The following CDK8 variants were observed in gnomAD, a reference collection of about 807,000 sequenced individuals.
CDK8 encodes the protein cyclin-dependent kinase 8.
CDK8 carries 29 observed loss-of-function variants against 71.5 expected under a neutral mutation model. The ratio of observed to expected loss-of-function variants is 0.41; its 90% CI spans 0.30 to 0.55. The LOEUF is 0.55. Ranked by LOEUF, CDK8 falls within the 20% of genes least tolerant of loss-of-function variation. CDK8 has a pLI of 0.37. For missense variants in CDK8, 288 were observed against 572.6 expected (o/e 0.50, Z 5.07); for synonymous variants, 161 against 192.1 (o/e 0.84, Z 1.34).
At chr13:26,285,945 C>T (rs1872997493) in intron 1 of CDK8, among the ~76,000 whole-genome samples, 2 of 152,020 alleles carry the variant, frequency 1.3e-5, no homozygotes, top group Admixed American at 6.6e-5. Flanking sequence ...TACGAATATA[C>T]CTAATCAAGG....
chr13:26,303,175 A>G (rs1228747569), intron 1 of CDK8, among the ~76,000 whole-genome samples: 6 of 150,522 alleles, frequency 4.0e-5, no homozygotes, highest in Non-Finnish European at 7.4e-5. Context: ...TTTTCTCTTT[A>G]CTAACTATAG....
At chr13:26,358,278 A>G (rs7994384) in intron 4 of CDK8, among the ~76,000 whole-genome samples, 143,794 of 151,954 alleles carry the variant, frequency 0.95, 68,082 homozygotes, top group East Asian at 1. Context: ...CAGCCTGGGC[A>G]ACAGAGCAAG....
chr13:26,294,429 A>G (rs1274459745), intron 1 of CDK8, among the ~76,000 whole-genome samples: 3 of 152,162 alleles, frequency 2.0e-5, no homozygotes, highest in Middle Eastern at 3.2e-3. Context: ...TTCATATCCT[A>G]TATAGCCAGT....
Position 26,254,590 on chromosome 13 carries a change from C to G in CDK8, c.-52C>G. 4.2e-6 allele frequency: 5 copies of G among 1,177,798 alleles called. No individual in the cohort carries two copies. The highest frequency in any genetic ancestry group is 6.0e-6 in the Non-Finnish European group (5 of 827,228). 73.0% of individuals were successfully genotyped at this position (1,177,798 alleles called of 1,614,324 possible). ...GCTGCCCGTGCTTCCCCGGTCCCCA[C>G]CCCTGCCCCCCGGCCCCCCGACCCA... On this transcript the variant is annotated 5_prime_UTR_variant, in exon 1 of 13. Coordinates refer to ENST00000381527, the MANE Select transcript of CDK8 (RefSeq NM_001260.3). The surrounding 1 kb of genome is among the most constrained non-coding windows in gnomAD (Gnocchi z 6.7).
chr13:26,293,062 A>G (rs779334069), intron 1 of CDK8, among the ~76,000 whole-genome samples: 2 of 152,192 alleles, frequency 1.3e-5, no homozygotes, highest in African/African-American at 2.4e-5. Flanking sequence ...ACCCTGAATC[A>G]AGAAAGTACT....
intron 1 of CDK8, among the ~76,000 whole-genome samples, chr13:26,267,205 A>G (rs1872059581): frequency 6.6e-6 from 1 of 152,212 alleles, no homozygotes. Flanking sequence ...GTAATCTCCA[A>G]ATTACAGCCA....
At chr13:26,292,831 A>G (rs1873365211) in intron 1 of CDK8, among the ~76,000 whole-genome samples, 1 of 152,232 alleles carries the variant, frequency 6.6e-6, no homozygotes, top group African/African-American at 2.4e-5. Flanking sequence ...AGTGTGATTC[A>G]GATTTCTGAT....
chr13:26,359,129 G>A, intron 4 of CDK8: 1 of 187,284 alleles, frequency 5.3e-6, no homozygotes, highest in Non-Finnish European at 1.1e-5. Flanking sequence ...AGTCACAAAA[G>A]GATAAGTACC....
chr13:26,317,326 A>T (rs1030480453), intron 1 of CDK8, among the ~76,000 whole-genome samples: 1 of 152,224 alleles, frequency 6.6e-6, no homozygotes, highest in African/African-American at 2.4e-5. Context: ...GCATGAAAGG[A>T]AAAAACTGAT....
intron 9 of CDK8, among the ~76,000 whole-genome samples, chr13:26,399,617 G>A (rs115050132): frequency 1.3e-5 from 2 of 152,194 alleles, no homozygotes; most frequent in Admixed American, 6.5e-5. Context: ...TCACATTAGT[G>A]TGGCATTTAT....
chr13:26,316,005 A>G (rs548663478), intron 1 of CDK8, among the ~76,000 whole-genome samples: 9 of 152,306 alleles, frequency 5.9e-5, no homozygotes, highest in Admixed American at 2.6e-4. Flanking sequence ...CTCTTAGCAC[A>G]TTAGTTCCTC....
At position 26,368,214 on chromosome 13, in the gene CDK8, T is replaced by A. The variant is rs1874482202; in HGVS notation, c.456+14334T>A. Among the ~76,000 whole-genome samples, 4 of 152,214 alleles carry A rather than the reference T, an allele frequency of 2.6e-5. No individual in the cohort carries two copies. In the South Asian group the frequency reaches 8.3e-4, roughly 32 times the overall value. On this transcript the variant is annotated intron_variant, in intron 4 of 12. Coordinates refer to ENST00000381527, the MANE Select transcript of CDK8 (RefSeq NM_001260.3). ...CCTCATGGTCTTGCTGCTCACCGTT[T>A]CTGTCACCACTACTCTAATTCAGGC...
At chr13:26,310,669 A>G (rs1421951980) in intron 1 of CDK8, among the ~76,000 whole-genome samples, 1 of 152,140 alleles carries the variant, frequency 6.6e-6, no homozygotes, top group Non-Finnish European at 1.5e-5. Flanking sequence ...GTGGCTATAA[A>G]TACAGATGAA....
intron 6 of CDK8, among the ~76,000 whole-genome samples, chr13:26,387,612 C>G (rs1005498310): frequency 6.6e-6 from 1 of 152,160 alleles, no homozygotes; most frequent in African/African-American, 2.4e-5. Flanking sequence ...TGTTCAAATA[C>G]AGACTTTGTA....
At chr13:26,272,898 T>C (rs943410308) in intron 1 of CDK8, among the ~76,000 whole-genome samples, 3 of 152,224 alleles carry the variant, frequency 2.0e-5, no homozygotes, top group African/African-American at 4.8e-5. Flanking sequence ...CATCATTACA[T>C]GGTGCATGAC....
At chr13:26,358,430 A>G (rs138722169) in intron 4 of CDK8, among the ~76,000 whole-genome samples, 2 of 152,332 alleles carry the variant, frequency 1.3e-5, no homozygotes, top group East Asian at 3.9e-4. Context: ...AAATAGGAGT[A>G]TTGAGTTAAG....
intron 1 of CDK8, among the ~76,000 whole-genome samples, chr13:26,303,642 T>C (rs1186431732): frequency 1.3e-5 from 2 of 152,194 alleles, no homozygotes; most frequent in African/African-American, 4.8e-5. Context: ...AGAACATACA[T>C]GAACATTTAT....
intron 6 of CDK8, among the ~76,000 whole-genome samples, chr13:26,388,078 T>C (rs1222057526): frequency 6.6e-6 from 1 of 152,220 alleles, no homozygotes; most frequent in East Asian, 1.9e-4. Flanking sequence ...TTGCTGTCAA[T>C]TAAATGTAGA....
In CDK8 at chr13:26,358,293, C is replaced by T. The variant is rs367883596; in HGVS notation, c.456+4413C>T. 4.6e-4 allele frequency among the ~76,000 whole-genome samples: 69 copies of T among 151,120 alleles called. 2 individuals are homozygous for T. The East Asian group carries it at 0.011, about 24-fold the overall frequency. On this transcript the variant is annotated intron_variant, in intron 4 of 12. Coordinates refer to ENST00000381527, the MANE Select transcript of CDK8 (RefSeq NM_001260.3). The stretch of plus-strand genomic sequence containing the variant: ...CAGCCTGGGCAACAGAGCAAGACTC[C>T]GTCTCAAAAAAAAATAAAAAATAAA...
Sources: gnomAD v4.1 joint callset for allele counts (sites outside exome capture counted in the v4.1 genomes callset) on GRCh38, gnomAD v4.1.1 for gene constraint, Gnocchi (gnomAD v3.1) non-coding constraint, MANE v1.5 for transcripts, NCBI Gene and HGNC (gene_info 2026-07-23, HGNC 2026-07-21) for gene names.